PCDHGA4: variants seen among roughly 807,000 people sequenced by gnomAD.
PCDHGA4 encodes protocadherin gamma-A4.
A neutral mutation model predicts 54.6 loss-of-function variants in PCDHGA4; 38 were observed. That is an observed-to-expected ratio of 0.70 (90% CI 0.54 to 0.91). The LOEUF (loss-of-function observed/expected upper bound fraction) is 0.91, where lower values mean the gene tolerates loss of function less well. PCDHGA4 is among the 40% of genes least tolerant of loss of function. The pLI is 0.00. For synonymous variants in PCDHGA4, 511 were observed against 512.9 expected, an observed-to-expected ratio of 1.00 and a Z score of 0.05; for missense variants, 1,298 against 1,220.9, an observed-to-expected ratio of 1.06 and a Z score of -0.94.
chr5:141,495,982 T>C (rs2099765062), intron 2 of PCDHGA4, among the ~76,000 whole-genome samples: 2 of 152,144 alleles, frequency 1.3e-5, no homozygotes. Context: ...TACTCTTTCT[T>C]TATCTCTCTT....
rs573088236 is a variant in PCDHGA4, at chr5:141,489,279, G to A, written c.2515-5528G>A. On this transcript the variant is annotated intron_variant, in intron 1 of 3. Coordinates refer to ENST00000571252, the MANE Select transcript of PCDHGA4 (RefSeq NM_018917.4). This position sits in a 1 kb window ranked among gnomAD's most constrained non-coding sequence, Gnocchi z 4.5. Reference sequence around the variant, plus strand: ...CACTCCCACAGCTCGCTGGGAAATGGCAAGTGCTGTGCATGTTGTCCTTGT... The same window carrying A: ...CACTCCCACAGCTCGCTGGGAAATGACAAGTGCTGTGCATGTTGTCCTTGT... The A allele has an allele frequency of 6.4e-7, 1 of 1,562,030 alleles. No individual in the cohort carries two copies. Among genetic ancestry groups the A allele is most frequent in the East Asian group, 2.2e-5 (1 of 44,522 alleles).
At chr5:141,388,376 C>A in intron 1 of PCDHGA4, 1 of 1,613,944 alleles carries the variant, frequency 6.2e-7, no homozygotes, top group Non-Finnish European at 8.5e-7. Context: ...ATATTGGTAG[C>A]AACACACTGC....
rs1561856520 is a variant in PCDHGA4 at position 141,431,983 on chromosome 5, A to C, written c.2515-62824A>C. 3.1e-6 allele frequency: 5 copies of C among 1,614,242 alleles called. No homozygotes were observed. Among genetic ancestry groups the C allele is most frequent in the Non-Finnish European group, 4.2e-6 (5 of 1,180,036 alleles). ...ATTACTATAGTTTAGTCACAGACAT[A>C]GTCTTGGATAGGGAACAGGTTCCTA... On this transcript the variant is annotated intron_variant, in intron 1 of 3. Coordinates refer to ENST00000571252, the MANE Select transcript of PCDHGA4 (RefSeq NM_018917.4). The surrounding 1 kb of genome is among the most constrained non-coding windows in gnomAD (Gnocchi z 4.8).
intron 1 of PCDHGA4, among the ~76,000 whole-genome samples, chr5:141,358,915 G>C (rs28587232): frequency 2.6e-5 from 4 of 152,190 alleles, no homozygotes; most frequent in Non-Finnish European, 5.9e-5. Flanking sequence ...AATATTTTGT[G>C]TGTAGGGGAT....
intron 1 of PCDHGA4, chr5:141,422,878 C>T: frequency 6.2e-7 from 1 of 1,614,264 alleles, no homozygotes; most frequent in African/African-American, 1.3e-5. Flanking sequence ...GTCGCTGAGC[C>T]TGTTCGTGCT....
chr5:141,355,351 G>C lies in PCDHGA4; in HGVS notation c.244G>C (p.Asp82His). Residue 82 changes from aspartate to histidine, a missense_variant, in exon 1 of 4, where the codon GAC becomes CAC. Coordinates refer to ENST00000571252, the MANE Select transcript of PCDHGA4 (RefSeq NM_018917.4). ...EGSVVGNIAK[D>H]LGLAPRELAE... ...CTCAGTGGTGGGCAACATCGCCAAG[G>C]ACCTGGGGTTGGCGCCCCGGGAGCT... 1.2e-6 allele frequency: 2 copies of C among 1,614,038 alleles called. No individual in the cohort carries two copies. The highest frequency in any genetic ancestry group is 1.7e-6 in the Non-Finnish European group (2 of 1,179,914).
Position 141,491,094 on chromosome 5 carries a change from G to C in PCDHGA4, c.2515-3713G>C, listed in dbSNP as rs1240705650. The C allele has an allele frequency of 1.9e-6, 3 of 1,614,202 alleles. No homozygotes were observed. Among genetic ancestry groups the C allele is most frequent in the Non-Finnish European group, 2.5e-6 (3 of 1,180,030 alleles). On this transcript the variant is annotated intron_variant, in intron 1 of 3. Coordinates refer to ENST00000571252, the MANE Select transcript of PCDHGA4 (RefSeq NM_018917.4). The surrounding 1 kb of genome is among the most constrained non-coding windows in gnomAD (Gnocchi z 6.9). The stretch of plus-strand genomic sequence containing the variant: ...TGCCACAGTCCACAGCCCCAGGACT[G>C]TTCCTCGTGTCTACACACACTGGTG...
chr5:141,423,868 T>G (rs2154550529), intron 1 of PCDHGA4: 1 of 1,283,788 alleles, frequency 7.8e-7, no homozygotes, highest in East Asian at 3.1e-5. Flanking sequence ...GTGAAAGTCA[T>G]TTTTCAATCT....
chr5:141,443,166 C>T (rs914863821), intron 1 of PCDHGA4, among the ~76,000 whole-genome samples: 2 of 152,124 alleles, frequency 1.3e-5, no homozygotes, highest in African/African-American at 4.8e-5. Context: ...ATTTCCCTAC[C>T]CATGTCCACT....
intron 1 of PCDHGA4, among the ~76,000 whole-genome samples, chr5:141,470,360 T>G (rs1554150725): frequency 6.6e-6 from 1 of 152,142 alleles, no homozygotes; most frequent in Non-Finnish European, 1.5e-5. Context: ...ATAGACACAT[T>G]AGGTTGAATG....
chr5:141,434,768 T>C (rs6580188), intron 1 of PCDHGA4, among the ~76,000 whole-genome samples: 81,499 of 151,296 alleles, frequency 0.54, 23,977 homozygotes, highest in African/African-American at 0.79. Context: ...CACTTCACAC[T>C]TCTAAAAAAA....
Position 141,365,829 on chromosome 5 carries a change from C to G in PCDHGA4, c.2514+8208C>G, listed in dbSNP as rs776903918. ...GCTGAAGACACATTTCAGGGGGCGC[C>G]CTTGTCCTCCTATGTATCCATTAAC... On this transcript the variant is annotated intron_variant, in intron 1 of 3. Coordinates refer to ENST00000571252, the MANE Select transcript of PCDHGA4 (RefSeq NM_018917.4). 3 of 1,613,964 alleles carry G rather than the reference C, an allele frequency of 1.9e-6. No individual in the cohort carries two copies. The South Asian group carries it at 3.3e-5, about 18-fold the overall frequency.
chr5:141,361,183 A>C (rs1461203772), intron 1 of PCDHGA4: 2 of 1,613,944 alleles, frequency 1.2e-6, no homozygotes, highest in Non-Finnish European at 1.7e-6. Flanking sequence ...AGTTATTGTG[A>C]CTTCAGTATC....
intron 1 of PCDHGA4, among the ~76,000 whole-genome samples, chr5:141,469,170 G>A (rs2099192781): frequency 6.6e-6 from 1 of 152,042 alleles, no homozygotes; most frequent in South Asian, 2.1e-4. Context: ...CAGCTACTTG[G>A]GAGGCTGAGG....
intron 1 of PCDHGA4, chr5:141,403,947 A>C (rs1451597441): frequency 6.2e-7 from 1 of 1,613,886 alleles, no homozygotes; most frequent in Admixed American, 1.7e-5. Flanking sequence ...GGGTGGACAA[A>C]AGTGCTCATT....
chr5:141,496,621 C>A (rs1297797187), intron 2 of PCDHGA4, among the ~76,000 whole-genome samples: 1 of 152,214 alleles, frequency 6.6e-6, no homozygotes. Context: ...AGCAGCAGAT[C>A]AAAAGGCTTG....
In PCDHGA4 at chr5:141,486,697, C is replaced by T. The variant is rs146956400; in HGVS notation, c.2515-8110C>T. 89 of 1,614,058 alleles carry T rather than the reference C, an allele frequency of 5.5e-5. No homozygotes were observed. Among genetic ancestry groups the T allele is most frequent in the Non-Finnish European group, 7.4e-5 (87 of 1,180,040 alleles). ...GAGATGTATCAGCTTCCTCTTTCAT[C>T]TCTCTGAACCCCCAGACAGGAGCTG... On this transcript the variant is annotated intron_variant, in intron 1 of 3. Coordinates refer to ENST00000571252, the MANE Select transcript of PCDHGA4 (RefSeq NM_018917.4). The surrounding 1 kb of genome is among the most constrained non-coding windows in gnomAD (Gnocchi z 5.0).
chr5:141,509,586 T>A (rs2154594569), intron 3 of PCDHGA4, among the ~76,000 whole-genome samples: 1 of 152,302 alleles, frequency 6.6e-6, no homozygotes, highest in East Asian at 1.9e-4. Flanking sequence ...ACAAATCAGC[T>A]GGCAATTCCG....
intron 1 of PCDHGA4, chr5:141,382,734 G>A: frequency 1.8e-6 from 1 of 566,662 alleles, no homozygotes; most frequent in South Asian, 3.4e-5. Context: ...ACAGCACAGA[G>A]AAACGACAGA....
Sources: gnomAD v4.1 joint callset for allele counts (sites outside exome capture counted in the v4.1 genomes callset) on GRCh38, gnomAD v4.1.1 for gene constraint, Gnocchi (gnomAD v3.1) non-coding constraint, MANE v1.5 for transcripts, NCBI Gene and HGNC (gene_info 2026-07-23, HGNC 2026-07-21) for gene names.